Variants in ELOVL5 observed in about 807,000 individuals in gnomAD.
ELOVL5 encodes ELOVL fatty acid elongase 5.
A neutral mutation model predicts 38.6 loss-of-function variants in ELOVL5; 8 were observed. That is an observed-to-expected ratio of 0.21 (90% CI 0.12 to 0.37). The LOEUF (loss-of-function observed/expected upper bound fraction) is 0.37, where lower values mean the gene tolerates loss of function less well. ELOVL5 is among the 10% of genes least tolerant of loss of function. The pLI is 1.00. For synonymous variants in ELOVL5, 127 were observed against 133.7 expected, an observed-to-expected ratio of 0.95 and a Z score of 0.34; for missense variants, 280 against 367.8, an observed-to-expected ratio of 0.76 and a Z score of 1.95.
At chr6:53,271,284 G>A (rs958117156) in intron 6 of ELOVL5, among the ~76,000 whole-genome samples, 1 of 151,862 alleles carries the variant, frequency 6.6e-6, no homozygotes, top group African/African-American at 2.4e-5. Context: ...GGGCGTGGTG[G>A]CTCACGCCTG....
At chr6:53,344,795 GC>G (rs1346252802) in intron 1 of ELOVL5, among the ~76,000 whole-genome samples, 1 of 152,114 alleles carries the variant, frequency 6.6e-6, no homozygotes, top group African/African-American at 2.4e-5. Flanking sequence ...TGTGCTATTT[GC>G]TTTTTGCCCA....
At chr6:53,345,675 C>T (rs967372783) in intron 1 of ELOVL5, among the ~76,000 whole-genome samples, 20 of 63,548 alleles carry the variant, frequency 3.1e-4, no homozygotes, top group East Asian at 1.0e-3. Context: ...ATTTAAGAGA[C>T]AATAAATTGT....
At chr6:53,278,492 T>A (rs1001065543) in intron 3 of ELOVL5, among the ~76,000 whole-genome samples, 2 of 152,192 alleles carry the variant, frequency 1.3e-5, no homozygotes, top group Admixed American at 6.5e-5. Context: ...TTGCCTTGAC[T>A]CTTTAAACTA....
chr6:53,300,290 A>C (rs905249834), intron 1 of ELOVL5, among the ~76,000 whole-genome samples: 1 of 152,144 alleles, frequency 6.6e-6, no homozygotes, highest in African/African-American at 2.4e-5. Context: ...CCCCATAACT[A>C]GTGTCCCTCA....
rs192490597 is a variant in ELOVL5 at position 53,328,547 on chromosome 6, T to C, written c.-9+20270A>G. On this transcript the variant is annotated intron_variant, in intron 1 of 7. Coordinates refer to ENST00000304434, the MANE Select transcript of ELOVL5 (RefSeq NM_021814.5). Reference sequence around the variant, plus strand: ...ACACATAGAATTAAAGGTTAAATGGTTACATAAAACAAGATGGAGATGTGG... The same window carrying C: ...ACACATAGAATTAAAGGTTAAATGGCTACATAAAACAAGATGGAGATGTGG... Among the ~76,000 whole-genome samples, 154 of 152,274 alleles carry C rather than the reference T, an allele frequency of 1.0e-3. 1 individual carries two copies. Among genetic ancestry groups the C allele is most frequent in the Admixed American group, 4.3e-3 (65 of 15,282 alleles).
At chr6:53,321,346 G>C (rs985918673) in intron 1 of ELOVL5, among the ~76,000 whole-genome samples, 3 of 152,196 alleles carry the variant, frequency 2.0e-5, no homozygotes, top group African/African-American at 7.2e-5. Context: ...AAGGCTGCCA[G>C]CAATCATTTT....
At chr6:53,317,487 T>C (rs2127585396) in intron 1 of ELOVL5, among the ~76,000 whole-genome samples, 1 of 152,306 alleles carries the variant, frequency 6.6e-6, no homozygotes, top group Admixed American at 6.5e-5. Context: ...GTCCATGTCC[T>C]TTGTAGGGAC....
rs754447128 is a variant in ELOVL5, at chr6:53,291,839, G to A, written c.183C>T (p.Cys61=). ...GGTTATACACCACTAAAATCCCCCG[G>A]CAAGAGAATGGCTGTTTATTCCTCA... is the stretch of plus-strand genomic sequence containing the variant. ...KYMRNKQPFS[C]RGILVVYNLG... The change falls in exon 3 of 8, where the codon TGC becomes TGT. Residue 61 remains cysteine, a synonymous_variant. Transcript: ENST00000304434. 6.2e-6 allele frequency: 10 copies of A among 1,613,872 alleles called. 1 individual carries two copies. In the South Asian group the frequency reaches 6.6e-5, roughly 11 times the overall value.
intron 2 of ELOVL5, among the ~76,000 whole-genome samples, chr6:53,293,141 C>G (rs1766839758): frequency 6.6e-6 from 1 of 152,090 alleles, no homozygotes; most frequent in African/African-American, 2.4e-5. Context: ...GAAAAGCATG[C>G]TCCCCTTTGA....
At chr6:53,274,325 CT>C (rs901792670) in intron 5 of ELOVL5, among the ~76,000 whole-genome samples, 153 of 147,096 alleles carry the variant, frequency 1.0e-3, no homozygotes, top group Middle Eastern at 3.6e-3. Context: ...ATTTGGAAAG[CT>C]TTTTTTTTTT....
intron 1 of ELOVL5, among the ~76,000 whole-genome samples, chr6:53,306,208 A>T (rs1379382774): frequency 2.7e-5 from 1 of 37,408 alleles, no homozygotes; most frequent in African/African-American, 3.2e-4. Flanking sequence ...GGGGAGGAGA[A>T]AGGGGAGAGG....
At chr6:53,324,512 C>CA (rs1768438674) in intron 1 of ELOVL5, among the ~76,000 whole-genome samples, 1 of 151,218 alleles carries the variant, frequency 6.6e-6, no homozygotes, top group Admixed American at 6.6e-5. Flanking sequence ...CCCACCTCTA[C>CA]AAAAAATAGG....
At chr6:53,325,820 C>T (rs185051302) in intron 1 of ELOVL5, among the ~76,000 whole-genome samples, 40 of 152,274 alleles carry the variant, frequency 2.6e-4, no homozygotes, top group Admixed American at 7.8e-4. Context: ...AATTTTACCT[C>T]GACTTTATTA....
chr6:53,337,092 G>A (rs571074271), intron 1 of ELOVL5: 1 of 152,348 alleles, frequency 6.6e-6, no homozygotes, highest in South Asian at 2.1e-4. Context: ...AGGGTACCAG[G>A]GCTTTGGAGA....
At chr6:53,285,997 T>C (rs1766555694) in intron 3 of ELOVL5, among the ~76,000 whole-genome samples, 1 of 152,214 alleles carries the variant, frequency 6.6e-6, no homozygotes, top group South Asian at 2.1e-4. Context: ...ATAACTTTTA[T>C]ATGCACTGCG....
intron 1 of ELOVL5, among the ~76,000 whole-genome samples, chr6:53,337,524 C>A (rs1769126939): frequency 6.6e-6 from 1 of 152,184 alleles, no homozygotes; most frequent in Non-Finnish European, 1.5e-5. Context: ...GTAAGCTCTT[C>A]ATTTGTGAAA....
chr6:53,317,741 A>G (rs1027245170), intron 1 of ELOVL5, among the ~76,000 whole-genome samples: 4 of 151,962 alleles, frequency 2.6e-5, no homozygotes, highest in African/African-American at 9.7e-5. Flanking sequence ...ACGTGTATAC[A>G]TATGTAACAA....
At chr6:53,275,285 T>A in intron 4 of ELOVL5, 24 bp from the exon 5 acceptor site, 1 of 1,611,518 alleles carries the variant, frequency 6.2e-7, no homozygotes. Context: ...GTCAAAGATT[T>A]AAGGCTTATC....
At chr6:53,289,901 T>C (rs1322258570) in intron 3 of ELOVL5, among the ~76,000 whole-genome samples, 2 of 152,240 alleles carry the variant, frequency 1.3e-5, no homozygotes, top group Non-Finnish European at 2.9e-5. Context: ...ATATCTGACC[T>C]GGATAGCTTT....
Sources: allele counts gnomAD v4.1 joint callset (sites outside exome capture counted in the v4.1 genomes callset), GRCh38; gene constraint gnomAD v4.1.1; transcripts MANE v1.5; gene names NCBI Gene and HGNC (gene_info 2026-07-23, HGNC 2026-07-21).